Variants in STXBP5L observed in about 807,000 individuals in gnomAD.
STXBP5L encodes the protein syntaxin-binding protein 5-like.
STXBP5L carries 65 observed loss-of-function variants against 144.5 expected under a neutral mutation model. The observed-to-expected ratio is 0.45, with a 90% confidence interval of 0.37 to 0.55. STXBP5L has a LOEUF of 0.55. STXBP5L is among the 20% of genes least tolerant of loss of function. The pLI, the probability that STXBP5L is intolerant of heterozygous loss-of-function variation, is 0.00. For synonymous variants in STXBP5L, 505 were observed against 469.6 expected, an observed-to-expected ratio of 1.08 and a Z score of -0.97; for missense variants, 1,298 against 1,405.5, an observed-to-expected ratio of 0.92 and a Z score of 1.22.
At chr3:121,401,979 C>A (rs2046888625) in intron 22 of STXBP5L, among the ~76,000 whole-genome samples, 1 of 151,280 alleles carries the variant, frequency 6.6e-6, no homozygotes, top group Admixed American at 6.6e-5. Context: ...TCAAATAAAA[C>A]CTTGAAGACA....
intron 3 of STXBP5L, among the ~76,000 whole-genome samples, chr3:120,988,057 T>C (rs1289545463): frequency 6.6e-6 from 1 of 151,754 alleles, no homozygotes; most frequent in African/African-American, 2.4e-5. Flanking sequence ...CTGATGGTTT[T>C]TCAGGTATAT....
At chr3:121,239,712 G>C in intron 13 of STXBP5L, among the ~76,000 whole-genome samples, 1 of 110,816 alleles carries the variant, frequency 9.0e-6, no homozygotes, top group Non-Finnish European at 1.7e-5. Flanking sequence ...CTGTTGTGGG[G>C]TGGGGGGAGG....
chr3:120,929,710 G>C (rs1331770826), intron 2 of STXBP5L, among the ~76,000 whole-genome samples: 1 of 152,112 alleles, frequency 6.6e-6, no homozygotes, highest in East Asian at 1.9e-4. Flanking sequence ...TTCTAAAAGG[G>C]TTCACCTAGT....
intron 20 of STXBP5L, 38 bp downstream of exon 20, chr3:121,318,578 C>G: frequency 7.4e-7 from 1 of 1,352,726 alleles, no homozygotes; most frequent in Non-Finnish European, 1.0e-6. Context: ...TCTGGTAATT[C>G]ACTGCAGTAA....
intron 3 of STXBP5L, among the ~76,000 whole-genome samples, chr3:120,983,440 T>C (rs1040275801): frequency 3.9e-5 from 6 of 152,094 alleles, no homozygotes; most frequent in African/African-American, 1.4e-4. Flanking sequence ...AGTGCCCTGC[T>C]TTCTCTCTGG....
At chr3:121,049,990 ACTCT>A (rs1286068808) in intron 5 of STXBP5L, among the ~76,000 whole-genome samples, 1 of 151,772 alleles carries the variant, frequency 6.6e-6, no homozygotes, top group Non-Finnish European at 1.5e-5. Flanking sequence ...ATCCCTGGGG[ACTCT>A]CACTCACTCA....
intron 25 of STXBP5L, among the ~76,000 whole-genome samples, chr3:121,416,245 T>G (rs1250720084): frequency 1.3e-5 from 2 of 151,972 alleles, no homozygotes; most frequent in South Asian, 2.1e-4. Context: ...AAATATCTCA[T>G]TTGCAAGTAG....
rs896823320 is a variant in STXBP5L at position 121,192,804 on chromosome 3, T to C, written c.878-13119T>C. On this transcript the variant is annotated intron_variant, in intron 9 of 26. Transcript: ENST00000471454. ...CTGAAACTGGATCCCTTCCTTACAC[T>C]TTATACAAAAATTAATTCAAGACGG... Among the ~76,000 whole-genome samples, 79 of 152,264 alleles carry C rather than the reference T, an allele frequency of 5.2e-4. 1 individual carries two copies. The highest frequency in any genetic ancestry group is 3.5e-4 in the Non-Finnish European group (24 of 68,018).
chr3:121,250,267 A>G (rs895451713), intron 14 of STXBP5L, among the ~76,000 whole-genome samples: 2 of 152,094 alleles, frequency 1.3e-5, no homozygotes, highest in Middle Eastern at 6.8e-3. Context: ...TAGAATTGAC[A>G]TTTGATTATT....
At chr3:121,322,133 A>C (rs1376502833) in intron 20 of STXBP5L, among the ~76,000 whole-genome samples, 2 of 152,090 alleles carry the variant, frequency 1.3e-5, no homozygotes, top group African/African-American at 4.8e-5. Flanking sequence ...TTCCTGCATT[A>C]ATTTGCTTAG....
rs528510922 is a variant in STXBP5L, at chr3:121,002,758, A to T, written c.288-38942A>T. Among the ~76,000 whole-genome samples the T allele has an allele frequency of 4.2e-4, 50 of 119,810 alleles. 1 individual carries two copies. The highest frequency in any genetic ancestry group is 1.3e-4 in the Non-Finnish European group (8 of 62,728). The allele number at this position is 119,810 out of a possible 152,430, so 78.6% of individuals were successfully genotyped here. On this transcript the variant is annotated intron_variant, in intron 3 of 26. Coordinates refer to ENST00000471454, the MANE Select transcript of STXBP5L (RefSeq NM_001308330.2). The stretch of plus-strand genomic sequence containing the variant: ...GTGTGATGTTCCCCTTCCTGTGTCC[A>T]TGTGTTCTCATTGTTCAATTCCCAG...
In STXBP5L at chr3:121,395,189, C is replaced by A. The variant is rs139010334; in HGVS notation, c.2588-12054C>A. Among the ~76,000 whole-genome samples the A allele has an allele frequency of 6.3e-3, 957 of 152,266 alleles. 10 individuals carry two copies. Among genetic ancestry groups the A allele is most frequent in the Non-Finnish European group, 4.9e-3 (335 of 68,026 alleles). ...TTGAAAGACTGTCAATTATACACAT[C>A]CTTACTTGGGCATGTAGTTTTGAGG... On this transcript the variant is annotated intron_variant, in intron 22 of 26. Transcript: ENST00000471454.
intron 3 of STXBP5L, among the ~76,000 whole-genome samples, chr3:121,033,949 C>T (rs1946568856): frequency 6.6e-6 from 1 of 151,966 alleles, no homozygotes; most frequent in Non-Finnish European, 1.5e-5. Flanking sequence ...ATAGTATTTT[C>T]TCATGCCATT....
At chr3:121,073,358 C>T (rs1470960256) in intron 5 of STXBP5L, among the ~76,000 whole-genome samples, 4 of 152,222 alleles carry the variant, frequency 2.6e-5, no homozygotes, top group Admixed American at 2.6e-4. Context: ...GATGCCCCCT[C>T]TGCTCCATCA....
chr3:120,971,986 A>C (rs1940326790), intron 3 of STXBP5L, among the ~76,000 whole-genome samples: 1 of 151,932 alleles, frequency 6.6e-6, no homozygotes, highest in African/African-American at 2.4e-5. Flanking sequence ...GCTGTGACCT[A>C]CTGTGACAAA....
intron 3 of STXBP5L, among the ~76,000 whole-genome samples, chr3:121,009,788 T>C (rs1418893721): frequency 5.9e-5 from 9 of 151,918 alleles, no homozygotes; most frequent in East Asian, 3.9e-4. Flanking sequence ...GATCGTAATG[T>C]TTTTTTCTAG....
intron 20 of STXBP5L, among the ~76,000 whole-genome samples, chr3:121,343,515 A>G (rs2108589500): frequency 6.6e-6 from 1 of 152,264 alleles, no homozygotes; most frequent in Admixed American, 6.5e-5. Flanking sequence ...TCTCAGCCCA[A>G]AATCTCCTTA....
At chr3:120,970,793 G>A (rs1457971026) in intron 3 of STXBP5L, among the ~76,000 whole-genome samples, 1 of 151,870 alleles carries the variant, frequency 6.6e-6, no homozygotes, top group African/African-American at 2.4e-5. Flanking sequence ...CTGAACACTG[G>A]CCTGCTGTTT....
chr3:121,373,428 C>T (rs576014996), intron 20 of STXBP5L, among the ~76,000 whole-genome samples: 1 of 152,314 alleles, frequency 6.6e-6, no homozygotes, highest in East Asian at 1.9e-4. Context: ...ACCTCTGGGA[C>T]CCAAGCTGCT....
Sources: gnomAD v4.1 joint callset for allele counts (sites outside exome capture counted in the v4.1 genomes callset) on GRCh38, gnomAD v4.1.1 for gene constraint, MANE v1.5 for transcripts, NCBI Gene and HGNC (gene_info 2026-07-23, HGNC 2026-07-21) for gene names.